LSM14B: variants seen among roughly 807,000 people sequenced by gnomAD.
LSM14B encodes protein LSM14 homolog B.
Under a neutral mutation model 42.1 loss-of-function variants are expected in LSM14B, and 8 were observed. The observed-to-expected ratio is 0.19, with a 90% confidence interval of 0.11 to 0.34. The LOEUF (loss-of-function observed/expected upper bound fraction) is 0.34. Among genes scored for constraint, LSM14B ranks in the 10% least tolerant of loss-of-function variants. The pLI is 1.00. For synonymous variants in LSM14B, 219 were observed against 209.7 expected (o/e 1.04, Z -0.38); for missense variants, 396 against 513.1 (o/e 0.77, Z 2.21).
chr20:62,131,997 G>A (rs1461558645), intron 7 of LSM14B, among the ~76,000 whole-genome samples: 1 of 152,236 alleles, frequency 6.6e-6, no homozygotes, highest in East Asian at 1.9e-4. Flanking sequence ...AAGCACCCTA[G>A]GGAGTGGGTG....
intron 3 of LSM14B, chr20:62,127,958 C>T: frequency 3.1e-6 from 2 of 636,638 alleles, no homozygotes; most frequent in Admixed American, 2.3e-5. Flanking sequence ...ACCATGACTA[C>T]CACATACGGG....
intron 3 of LSM14B, chr20:62,128,050 T>A: frequency 1.8e-6 from 1 of 561,682 alleles, no homozygotes; most frequent in Non-Finnish European, 3.2e-6. Flanking sequence ...CAGGGGGGAC[T>A]CCCCAAAGCA....
Position 62,130,392 on chromosome 20 carries a change from G to A in LSM14B, c.673+96G>A. 1.3e-6 allele frequency: 2 copies of A among 1,528,862 alleles called. No homozygotes were observed. The highest frequency in any genetic ancestry group is 1.8e-6 in the Non-Finnish European group (2 of 1,125,810). The allele number at this position is 1,528,862 out of a possible 1,614,324, so 94.7% of individuals were successfully genotyped here. A position where few individuals can be genotyped will look rare whatever the true frequency, so the allele number is the denominator to read the frequency against. On this transcript the variant is annotated intron_variant, in intron 5 of 8. Transcript: ENST00000279068. The surrounding 1 kb of genome is among the most constrained non-coding windows in gnomAD (Gnocchi z 4.1). ...TGCTTCTCTGGTTGACGGTTTCAGG[G>A]GTGCTGGTGTGAAGTCGCTGCTTGT...
At chr20:62,128,516 G>C (rs2056669972) in intron 3 of LSM14B, among the ~76,000 whole-genome samples, 1 of 152,082 alleles carries the variant, frequency 6.6e-6, no homozygotes, top group African/African-American at 2.4e-5. Flanking sequence ...ACTTAAAAAT[G>C]ACACAGATAC....
chr20:62,130,092 G>A lies in LSM14B; in HGVS notation c.596-127G>A, dbSNP rs1372011549. 3.5e-6 allele frequency: 5 copies of A among 1,443,514 alleles called. No homozygotes were observed. The highest frequency in any genetic ancestry group is 4.2e-5 in the Admixed American group (2 of 47,510). The allele number at this position is 1,443,514 out of a possible 1,614,324, so 89.4% of individuals were successfully genotyped here. On this transcript the variant is annotated intron_variant, in intron 4 of 8. Coordinates refer to ENST00000279068, the MANE Select transcript of LSM14B (RefSeq NM_144703.3). This position sits in a 1 kb window ranked among gnomAD's most constrained non-coding sequence, Gnocchi z 4.1. ...CCATGTGCTTTTGCAGGGCAGGCCT[G>A]TGCAGCAGCCTCCTGCGGTGCCGCC... is the stretch of plus-strand genomic sequence containing the variant.
chr20:62,129,006 C>A lies in LSM14B; in HGVS notation c.428-779C>A, dbSNP rs868840782. The A allele has an allele frequency of 9.2e-6, 12 of 1,303,538 alleles. No homozygotes were observed. In the African/African-American group the frequency reaches 1.5e-4, roughly 17 times the overall value. 80.7% of individuals were successfully genotyped at this position (1,303,538 alleles called of 1,614,324 possible). A position where few individuals can be genotyped will look rare whatever the true frequency, so the allele number is the denominator to read the frequency against. ...TTTAGAGTCCCTACAGGTCCTGGAA[C>A]CTTGGAAAGGGAGGAGATGGAGAGA... On this transcript the variant is annotated intron_variant, in intron 3 of 8. Coordinates refer to ENST00000279068, the MANE Select transcript of LSM14B (RefSeq NM_144703.3).
chr20:62,130,256 G>GTCT lies in LSM14B; in HGVS notation c.633_634insTCT (p.Gln211_Val212insSer). The GTCT allele has an allele frequency of 6.2e-7, 1 of 1,605,046 alleles. No individual in the cohort carries two copies. Among genetic ancestry groups the GTCT allele is most frequent in the Non-Finnish European group, 8.5e-7 (1 of 1,175,716 alleles). Reference sequence around the variant, plus strand: ...CGGCAGCTGTGCAAGCTCAAGGGCAGGTGAATGACGAGAACAGAAGACCTC... The same window carrying GTCT: ...CGGCAGCTGTGCAAGCTCAAGGGCAGTCTGTGAATGACGAGAACAGAAGACCTC... On this transcript the variant is annotated inframe_insertion, in exon 5 of 9. Transcript: ENST00000279068. The surrounding 1 kb of genome is among the most constrained non-coding windows in gnomAD (Gnocchi z 4.1).
chr20:62,128,344 C>T (rs140226620), intron 3 of LSM14B, among the ~76,000 whole-genome samples: 1 of 152,358 alleles, frequency 6.6e-6, no homozygotes, highest in Non-Finnish European at 1.5e-5. Context: ...AGCACCCTGA[C>T]AAGCTGAACC....
chr20:62,130,087 G>T lies in LSM14B; in HGVS notation c.596-132G>T. ...AAGCCCCATGTGCTTTTGCAGGGCA[G>T]GCCTGTGCAGCAGCCTCCTGCGGTG... is the stretch of plus-strand genomic sequence containing the variant. On this transcript the variant is annotated intron_variant, in intron 4 of 8. Coordinates refer to ENST00000279068, the MANE Select transcript of LSM14B (RefSeq NM_144703.3). This position sits in a 1 kb window ranked among gnomAD's most constrained non-coding sequence, Gnocchi z 4.1. 5 of 1,436,298 alleles carry T rather than the reference G, an allele frequency of 3.5e-6. No individual in the cohort carries two copies. Among genetic ancestry groups the T allele is most frequent in the Non-Finnish European group, 4.7e-6 (5 of 1,061,654 alleles). The allele number at this position is 1,436,298 out of a possible 1,614,324, so 89.0% of individuals were successfully genotyped here.
At chr20:62,128,965 G>T (rs1010619540) in intron 3 of LSM14B, 2 of 1,304,200 alleles carry the variant, frequency 1.5e-6, no homozygotes, top group Non-Finnish European at 2.0e-6. Flanking sequence ...CTTACACCCA[G>T]TCCCACATTG....
rs1303803016 is a variant in LSM14B, at chr20:62,135,250, G to A, written c.*1102G>A. ...AAGGCTTTAGTTCTGTATTGATTAA[G>A]TTACTGTAAAAGCTTGGGTTTATTT... On this transcript the variant is annotated 3_prime_UTR_variant, in exon 9 of 9. Coordinates refer to ENST00000279068, the MANE Select transcript of LSM14B (RefSeq NM_144703.3). The A allele has an allele frequency of 6.6e-6, 1 of 152,224 alleles. No individual in the cohort carries two copies. The highest frequency in any genetic ancestry group is 1.5e-5 in the Non-Finnish European group (1 of 68,046). The allele number at this position is 152,224 out of a possible 1,614,324, so 9.4% of individuals were successfully genotyped here.
Position 62,128,690 on chromosome 20 carries a change from G to A in LSM14B, c.428-1095G>A, listed in dbSNP as rs79497534. ...TGTGTTTGTCTCCCGGACATGCTGAGTGAGACAATCAGTGAGAAAGTGGCC... is the reference window on the plus strand; with the variant it reads ...TGTGTTTGTCTCCCGGACATGCTGAATGAGACAATCAGTGAGAAAGTGGCC... On this transcript the variant is annotated intron_variant, in intron 3 of 8. Transcript: ENST00000279068. 9.8e-3 allele frequency among the ~76,000 whole-genome samples: 1,488 copies of A among 152,350 alleles called. 25 individuals carry two copies. The highest frequency in any genetic ancestry group is 0.033 in the African/African-American group (1,386 of 41,576).
At chr20:62,133,147 C>A in intron 7 of LSM14B, 143 bp from the exon 8 acceptor site, 1 of 975,976 alleles carries the variant, frequency 1.0e-6, no homozygotes. Flanking sequence ...CGGAGCTGGG[C>A]TCCAGAGCTG....
At chr20:62,133,902 A>G (rs1199761935) in intron 8 of LSM14B, among the ~76,000 whole-genome samples, 1 of 152,238 alleles carries the variant, frequency 6.6e-6, no homozygotes, top group Non-Finnish European at 1.5e-5. Flanking sequence ...AGCGTCCCAC[A>G]TGGGGTGCCT....
chr20:62,124,598 C>G lies in LSM14B; in HGVS notation c.128-19C>G. On this transcript the variant is annotated intron_variant, in intron 1 of 8. Transcript: ENST00000279068. ...CTGGCTGAGGACAACAATAACGCTT[C>G]TCTTTCTCCACTCATAAGTGAGGTC... The G allele has an allele frequency of 6.2e-7, 1 of 1,610,936 alleles. No individual in the cohort carries two copies. Among genetic ancestry groups the G allele is most frequent in the South Asian group, 1.1e-5 (1 of 90,870 alleles).
intron 7 of LSM14B, among the ~76,000 whole-genome samples, chr20:62,132,792 T>C (rs2056803178): frequency 6.6e-6 from 1 of 152,060 alleles, no homozygotes; most frequent in African/African-American, 2.4e-5. Flanking sequence ...ATGTGGGAGA[T>C]AGTCTCCCAC....
At chr20:62,128,887 T>C (rs1465765276) in intron 3 of LSM14B, 5 of 1,162,816 alleles carry the variant, frequency 4.3e-6, no homozygotes, top group South Asian at 1.3e-5. Flanking sequence ...TTCATGTGTA[T>C]TGGGCTGTTC....
At position 62,131,228 on chromosome 20, in the gene LSM14B, T is replaced by C. The variant is rs2056756791; in HGVS notation, c.836-128T>C. 4 of 1,107,044 alleles carry C rather than the reference T, an allele frequency of 3.6e-6. No homozygotes were observed. In the South Asian group the frequency reaches 5.0e-5, roughly 14 times the overall value. The allele number at this position is 1,107,044 out of a possible 1,614,324, so 68.6% of individuals were successfully genotyped here. On this transcript the variant is annotated intron_variant, in intron 6 of 8. Coordinates refer to ENST00000279068, the MANE Select transcript of LSM14B (RefSeq NM_144703.3). The stretch of plus-strand genomic sequence containing the variant: ...AGAAGGTAGAAGAAGAGATTTCTGC[T>C]TTGCACAAGGCATAGTTGATGTCTT...
At chr20:62,133,892 A>AGC in intron 8 of LSM14B, among the ~76,000 whole-genome samples, 1 of 152,310 alleles carries the variant, frequency 6.6e-6, no homozygotes, top group East Asian at 1.9e-4. Flanking sequence ...GTTTGGGCGG[A>AGC]GCGTCCCACA....
Sources: gnomAD v4.1 joint callset for allele counts (sites outside exome capture counted in the v4.1 genomes callset) on GRCh38, gnomAD v4.1.1 for gene constraint, Gnocchi (gnomAD v3.1) non-coding constraint, MANE v1.5 for transcripts, NCBI Gene and HGNC (gene_info 2026-07-23, HGNC 2026-07-21) for gene names.